Variants in ZNF385D observed in about 807,000 individuals in gnomAD.
ZNF385D encodes zinc finger protein 659.
Under a neutral mutation model 35.8 loss-of-function variants are expected in ZNF385D, and 15 were observed. The ratio of observed to expected loss-of-function variants is 0.42; its 90% CI spans 0.28 to 0.64. ZNF385D has a LOEUF of 0.64. ZNF385D is among the 30% of genes least tolerant of loss of function. The pLI, the probability that ZNF385D is intolerant of heterozygous loss-of-function variation, is 0.23. For synonymous variants in ZNF385D, 212 were observed against 186.8 expected (o/e 1.13, Z -1.10); for missense variants, 474 against 494.6 (o/e 0.96, Z 0.39).
chr3:22,124,634 T>C (rs146315904), intron 3 of ZNF385D, among the ~76,000 whole-genome samples: 47 of 152,324 alleles, frequency 3.1e-4, no homozygotes, highest in African/African-American at 1.0e-3. Flanking sequence ...TGAGGTAATA[T>C]ATCGCTGTAG....
At chr3:21,934,393 T>C (rs965997176) in intron 3 of ZNF385D, among the ~76,000 whole-genome samples, 5 of 152,174 alleles carry the variant, frequency 3.3e-5, no homozygotes, top group African/African-American at 1.2e-4. Flanking sequence ...TTTCAATAGA[T>C]TCTTTAAGCT....
At chr3:21,552,753 G>A (rs963856599) in intron 3 of ZNF385D, among the ~76,000 whole-genome samples, 11 of 152,194 alleles carry the variant, frequency 7.2e-5, no homozygotes, top group Non-Finnish European at 1.3e-4. Context: ...GGTATCTGTG[G>A]TAGACAGAAT....
intron 3 of ZNF385D, among the ~76,000 whole-genome samples, chr3:21,777,262 A>G (rs2071323789): frequency 2.0e-5 from 3 of 151,940 alleles, no homozygotes; most frequent in Non-Finnish European, 4.4e-5. Context: ...TTTGTCAAGA[A>G]CTCATTTTCA....
chr3:21,432,543 C>T (rs960425612), intron 5 of ZNF385D, among the ~76,000 whole-genome samples: 1 of 151,538 alleles, frequency 6.6e-6, no homozygotes, highest in Non-Finnish European at 1.5e-5. Flanking sequence ...CAGGGAAAAC[C>T]ATCAAAATTA....
At chr3:21,548,585 A>G (rs977871264) in intron 3 of ZNF385D, among the ~76,000 whole-genome samples, 2 of 152,186 alleles carry the variant, frequency 1.3e-5, no homozygotes, top group Non-Finnish European at 2.9e-5. Context: ...GTTCCCTTCC[A>G]TACTTACGGT....
At chr3:21,969,991 G>A (rs947032881) in intron 3 of ZNF385D, among the ~76,000 whole-genome samples, 1 of 152,176 alleles carries the variant, frequency 6.6e-6, no homozygotes, top group Admixed American at 6.5e-5. Flanking sequence ...AAGAGTTACT[G>A]TGTTATTGAG....
In ZNF385D at chr3:22,009,749, A is replaced by C. The variant is rs1696452638; in HGVS notation, c.325+159068T>G. Among the ~76,000 whole-genome samples the C allele has an allele frequency of 2.0e-5, 3 of 152,204 alleles. No homozygotes were observed. In the South Asian group the frequency reaches 6.2e-4, roughly 31 times the overall value. On this transcript the variant is annotated intron_variant, in intron 3 of 5. Transcript: ENST00000494108. ...TTAAATTATGAAATTTATAAATACC[A>C]AAATCTGGATAGTAGTCACTTCTGG...
At chr3:21,687,716 TAA>T (rs1321840555) in intron 1 of ZNF385D, among the ~76,000 whole-genome samples, 1 of 152,164 alleles carries the variant, frequency 6.6e-6, no homozygotes, top group East Asian at 1.9e-4. Context: ...AAAATTCTCT[TAA>T]TATGTTTTTG....
At chr3:21,965,660 A>G (rs1702873182) in intron 3 of ZNF385D, among the ~76,000 whole-genome samples, 1 of 152,220 alleles carries the variant, frequency 6.6e-6, no homozygotes, top group Non-Finnish European at 1.5e-5. Flanking sequence ...ACATTACCAG[A>G]ACAACTGACA....
chr3:21,840,553 G>A (rs1389738904), intron 3 of ZNF385D, among the ~76,000 whole-genome samples: 1 of 125,370 alleles, frequency 8.0e-6, no homozygotes, highest in African/African-American at 3.3e-5. Context: ...GGGCAACTGG[G>A]AATTTTCAAG....
intron 3 of ZNF385D, among the ~76,000 whole-genome samples, chr3:21,540,830 A>G (rs1305740507): frequency 6.6e-6 from 1 of 152,138 alleles, no homozygotes; most frequent in Non-Finnish European, 1.5e-5. Flanking sequence ...CAGAGAATTA[A>G]ACTTTCATGG....
chr3:21,721,145 T>C (rs2068524191), intron 1 of ZNF385D, among the ~76,000 whole-genome samples: 1 of 152,266 alleles, frequency 6.6e-6, no homozygotes, highest in Admixed American at 6.5e-5. Flanking sequence ...AGGAGCATAA[T>C]GACTTTGCCC....
At chr3:21,601,770 G>T (rs1328104775) in intron 2 of ZNF385D, among the ~76,000 whole-genome samples, 1 of 152,094 alleles carries the variant, frequency 6.6e-6, no homozygotes, top group Non-Finnish European at 1.5e-5. Context: ...GATGATTTTA[G>T]CAGTCCCGCC....
intron 1 of ZNF385D, among the ~76,000 whole-genome samples, chr3:21,668,249 G>A (rs1300101792): frequency 6.6e-6 from 1 of 152,138 alleles, no homozygotes; most frequent in Non-Finnish European, 1.5e-5. Context: ...TTAAGTGGAG[G>A]AGTTGATAGC....
chr3:22,149,744 T>C (rs1048422144), intron 3 of ZNF385D, among the ~76,000 whole-genome samples: 4 of 152,182 alleles, frequency 2.6e-5, no homozygotes, highest in African/African-American at 7.2e-5. Flanking sequence ...CCCAGAGTTG[T>C]TGCTGATTTT....
At chr3:22,139,310 G>A (rs1385142222) in intron 3 of ZNF385D, among the ~76,000 whole-genome samples, 2 of 152,176 alleles carry the variant, frequency 1.3e-5, no homozygotes, top group Non-Finnish European at 1.5e-5. Context: ...AAAGACACAT[G>A]TACACATATG....
At chr3:22,047,345 T>C (rs1699065419) in intron 3 of ZNF385D, among the ~76,000 whole-genome samples, 1 of 152,048 alleles carries the variant, frequency 6.6e-6, no homozygotes, top group African/African-American at 2.4e-5. Context: ...GTACAATAGA[T>C]CTCTTGTACT....
chr3:21,813,717 T>A (rs1269952056), intron 3 of ZNF385D, among the ~76,000 whole-genome samples: 1 of 152,144 alleles, frequency 6.6e-6, no homozygotes, highest in African/African-American at 2.4e-5. Flanking sequence ...AGACCAAATC[T>A]ACGTCTGATT....
At chr3:22,102,258 C>T (rs1701978019) in intron 3 of ZNF385D, among the ~76,000 whole-genome samples, 1 of 151,922 alleles carries the variant, frequency 6.6e-6, no homozygotes, top group African/African-American at 2.4e-5. Flanking sequence ...CCAGACACTG[C>T]TAAGTATTTT....
Sources: allele counts gnomAD v4.1 joint callset (sites outside exome capture counted in the v4.1 genomes callset), GRCh38; gene constraint gnomAD v4.1.1; transcripts MANE v1.5; gene names NCBI Gene and HGNC (gene_info 2026-07-23, HGNC 2026-07-21).